CARD8: variants seen among roughly 807,000 people sequenced by gnomAD.
The protein encoded by CARD8 is caspase recruitment domain-containing protein 8.
Under a neutral mutation model 53.2 loss-of-function variants are expected in CARD8, and 38 were observed. That is an observed-to-expected ratio of 0.71 (90% CI 0.55 to 0.94). The LOEUF (loss-of-function observed/expected upper bound fraction) is 0.94. CARD8 is among the 40% of genes least tolerant of loss of function. The probability of loss-of-function intolerance (pLI) is 0.00; values close to 1 mark genes in which losing one functional copy is unlikely to be tolerated. For missense variants in CARD8, 561 were observed against 655.5 expected (o/e 0.86, Z 1.57); for synonymous variants, 245 against 244.9 (o/e 1.00, Z 0.00).
rs138744005 is a variant in CARD8 at position 48,210,565 on chromosome 19, A to G, written c.*1145T>C. On this transcript the variant is annotated 3_prime_UTR_variant, in exon 14 of 14. Transcript: ENST00000651546. ...AGAAGATAACTATATCCTAGATGAGAAAAGGTAATAGGATCTAAATGGTGA... is the reference window on the plus strand; with the variant it reads ...AGAAGATAACTATATCCTAGATGAGGAAAGGTAATAGGATCTAAATGGTGA... 5.3e-5 allele frequency: 8 copies of G among 152,324 alleles called. No homozygotes were observed. Among genetic ancestry groups the G allele is most frequent in the Non-Finnish European group, 1.0e-4 (7 of 68,018 alleles). The allele number at this position is 152,324 out of a possible 1,614,324, so 9.4% of individuals were successfully genotyped here.
intron 10 of CARD8, among the ~76,000 whole-genome samples, chr19:48,228,752 G>A (rs1181614881): frequency 1.3e-5 from 2 of 152,188 alleles, no homozygotes; most frequent in Non-Finnish European, 2.9e-5. Flanking sequence ...GAGATTGACG[G>A]TGGAGGGGAA....
At chr19:48,245,811 TTATA>T (rs976053870) in intron 3 of CARD8, among the ~76,000 whole-genome samples, 1 of 148,298 alleles carries the variant, frequency 6.7e-6, no homozygotes, top group African/African-American at 2.4e-5. Flanking sequence ...GTATATTGTA[TTATA>T]TATACATTTA....
At chr19:48,247,769 T>A (rs554914968) in intron 3 of CARD8, among the ~76,000 whole-genome samples, 1 of 118,690 alleles carries the variant, frequency 8.4e-6, no homozygotes, top group South Asian at 2.7e-4. Context: ...TATATATATA[T>A]ATATATATAC....
intron 6 of CARD8, chr19:48,233,204 T>C (rs2043228813): frequency 5.2e-6 from 2 of 387,488 alleles, no homozygotes; most frequent in Non-Finnish European, 5.1e-6. Context: ...ATGGGTTCTA[T>C]GACATACAGC....
rs1356877202 is a variant in CARD8, at chr19:48,211,938, T to C, written c.1386A>G (p.Gln462=). 2 of 1,614,174 alleles carry C rather than the reference T, an allele frequency of 1.2e-6. No homozygotes were observed. Among genetic ancestry groups the C allele is most frequent in the East Asian group, 4.5e-5 (2 of 44,880 alleles). ...CCCCTTTCAGGTCCCCCATCCTGGC[T>C]TGGAGTTGCCGGTGGTTCTCCTTCA... is the stretch of plus-strand genomic sequence containing the variant. ...AFVKENHRQL[Q]ARMGDLKGVL... The change falls in exon 14 of 14, where the codon CAA becomes CAG. Residue 462 remains glutamine, a synonymous_variant. Transcript: ENST00000651546.
At chr19:48,217,225 CGGGCCACAGACCGG>C (rs2039513815) in intron 12 of CARD8, among the ~76,000 whole-genome samples, 1 of 152,164 alleles carries the variant, frequency 6.6e-6, no homozygotes. Flanking sequence ...CGGTTTCTAA[CGGGCCACAGACCGG>C]TACCAGTCCC....
At chr19:48,234,867 C>T (rs911101829) in intron 5 of CARD8, among the ~76,000 whole-genome samples, 3 of 152,104 alleles carry the variant, frequency 2.0e-5, no homozygotes, top group Non-Finnish European at 4.4e-5. Context: ...GTATGTTGAC[C>T]TATATAACCT....
intron 4 of CARD8, among the ~76,000 whole-genome samples, chr19:48,239,769 C>A (rs1465401584): frequency 6.6e-6 from 1 of 152,166 alleles, no homozygotes; most frequent in Non-Finnish European, 1.5e-5. Flanking sequence ...AGTCACCATG[C>A]CTGGCCAAGG....
Position 48,215,322 on chromosome 19 carries a change from T to G in CARD8, c.1348+18A>C, listed in dbSNP as rs770580052. 6.3e-6 allele frequency: 10 copies of G among 1,596,614 alleles called. No homozygotes were observed. The highest frequency in any genetic ancestry group is 1.7e-4 in the Middle Eastern group (1 of 6,050). ...GTCTCATACATACCCTTGGCTTTAA[T>G]GTAAACATTTCACTTACCTGAGAAA... is the stretch of plus-strand genomic sequence containing the variant. On this transcript the variant is annotated intron_variant, in intron 13 of 13. Transcript: ENST00000651546.
intron 12 of CARD8, 76 bp from the exon 13 acceptor site, chr19:48,215,460 G>T: frequency 1.0e-6 from 1 of 963,732 alleles, no homozygotes; most frequent in African/African-American, 1.6e-5. Flanking sequence ...AGTCTTTGAT[G>T]CAACCAACTG....
In CARD8 at chr19:48,211,784, G is replaced by C. The variant is rs749260047; in HGVS notation, c.1540C>G (p.Leu514Val). ...CTAATGCTTCTGAAGAGCACGTCCAGGGCCAGGTCCCCTTTCTTCTCCACC... is the reference window on the plus strand; with the variant it reads ...CTAATGCTTCTGAAGAGCACGTCCACGGCCAGGTCCCCTTTCTTCTCCACC... ...SMVEKKGDLA[L>V]DVLFRSISER... Residue 514 changes from leucine (L) to valine (V), a missense_variant, in exon 14 of 14, where the codon CTG becomes GTG. Coordinates refer to ENST00000651546, the MANE Select transcript of CARD8 (RefSeq NM_001184900.3). The C allele has an allele frequency of 9.3e-6, 15 of 1,614,134 alleles. No individual in the cohort carries two copies. Among genetic ancestry groups the C allele is most frequent in the Non-Finnish European group, 1.3e-5 (15 of 1,180,018 alleles).
At chr19:48,249,987 G>T (rs1273735941) in intron 1 of CARD8, 140 bp from the exon 2 acceptor site, 3 of 92,432 alleles carry the variant, frequency 3.2e-5, no homozygotes, top group Non-Finnish European at 6.2e-5. Context: ...CAATGACTTG[G>T]CTGGGACAGT....
chr19:48,219,107 G>A (rs1044120541), intron 11 of CARD8, 95 bp from the exon 12 acceptor site: 3 of 1,125,984 alleles, frequency 2.7e-6, no homozygotes, highest in Non-Finnish European at 3.9e-6. Flanking sequence ...CCCGTTTCCT[G>A]TGCAATGTCA....
chr19:48,234,118 G>A (rs2043420653), intron 6 of CARD8: 1 of 283,866 alleles, frequency 3.5e-6, no homozygotes, highest in African/African-American at 2.2e-5. Flanking sequence ...AGAGAATTAG[G>A]TTGGTTTTAT....
intron 10 of CARD8, among the ~76,000 whole-genome samples, chr19:48,225,308 T>A (rs1600277255): frequency 6.6e-6 from 1 of 151,608 alleles, no homozygotes; most frequent in South Asian, 2.1e-4. Context: ...CTGGCCAACA[T>A]GGTGAAACCC....
chr19:48,218,739 T>C, intron 12 of CARD8, 132 bp downstream of exon 12: 1 of 1,012,094 alleles, frequency 9.9e-7, no homozygotes, highest in Non-Finnish European at 1.5e-6. Context: ...TGTCCATGTG[T>C]TTTAACACTG....
chr19:48,228,961 A>C (rs977891405), intron 10 of CARD8, among the ~76,000 whole-genome samples: 7 of 152,146 alleles, frequency 4.6e-5, no homozygotes, highest in Admixed American at 2.0e-4. Flanking sequence ...CAACATGGTG[A>C]AACCTCACCT....
At chr19:48,204,458 G>A (rs553151767), downstream of CARD8, among the ~76,000 whole-genome samples, 23 of 152,214 alleles carry the variant, frequency 1.5e-4, no homozygotes, top group African/African-American at 5.5e-4. Context: ...AAATCGACAA[G>A]TTACTAGATA....
intron 5 of CARD8, among the ~76,000 whole-genome samples, chr19:48,237,146 T>C (rs1447697369): frequency 6.6e-6 from 1 of 152,016 alleles, no homozygotes; most frequent in Admixed American, 6.6e-5. Flanking sequence ...AAAAGAGGTT[T>C]AATTGGCTCA....
Sources: gnomAD v4.1 joint callset for allele counts (sites outside exome capture counted in the v4.1 genomes callset) on GRCh38, gnomAD v4.1.1 for gene constraint, MANE v1.5 for transcripts, NCBI Gene and HGNC (gene_info 2026-07-23, HGNC 2026-07-21) for gene names.